BRF1: variants seen among roughly 807,000 people sequenced by gnomAD.
BRF1 encodes the protein transcription factor IIIB 90 kDa subunit.
Under a neutral mutation model 81.7 loss-of-function variants are expected in BRF1, and 59 were observed. The observed-to-expected ratio is 0.72, with a 90% CI of 0.59 to 0.90. The LOEUF is 0.90. Among genes scored for constraint, BRF1 ranks in the 40% least tolerant of loss-of-function variants. The probability of loss-of-function intolerance (pLI) is 0.00; values close to 1 mark genes in which losing one functional copy is unlikely to be tolerated. For missense variants in BRF1, 1,050 were observed against 936.3 expected (o/e 1.12, Z -1.58); for synonymous variants, 491 against 395.6 (o/e 1.24, Z -2.86).
chr14:105,283,639 CTT>C (rs750987811), intron 2 of BRF1, among the ~76,000 whole-genome samples: 85 of 152,352 alleles, frequency 5.6e-4, no homozygotes, highest in Middle Eastern at 3.4e-3. Flanking sequence ...AGCCATTTCT[CTT>C]TCTCTGTTGT....
chr14:105,243,543 G>A (rs1387049326), intron 5 of BRF1, among the ~76,000 whole-genome samples: 10 of 151,684 alleles, frequency 6.6e-5, no homozygotes, highest in Non-Finnish European at 1.5e-4. Context: ...ACTTGAGCCC[G>A]GGAGGTTGAG....
At chr14:105,255,561 G>A (rs1414588676) in intron 4 of BRF1, among the ~76,000 whole-genome samples, 2 of 152,176 alleles carry the variant, frequency 1.3e-5, no homozygotes, top group Admixed American at 6.5e-5. Context: ...CATGAATTCT[G>A]CACTGTGGTC....
intron 5 of BRF1, among the ~76,000 whole-genome samples, chr14:105,245,168 G>A (rs968280204): frequency 2.6e-5 from 4 of 152,016 alleles, no homozygotes; most frequent in Non-Finnish European, 5.9e-5. Flanking sequence ...AAACCAGCCC[G>A]GGCAACACAG....
rs752960770 is a variant in BRF1 at position 105,241,418 on chromosome 14, C to G, written c.545-4G>C. 1.2e-5 allele frequency: 20 copies of G among 1,610,858 alleles called. No homozygotes were observed. The highest frequency in any genetic ancestry group is 1.6e-5 in the Non-Finnish European group (19 of 1,179,848). On this transcript the variant is annotated splice_region_variant and splice_polypyrimidine_tract_variant and intron_variant, in intron 5 of 17. Transcript: ENST00000547530. ...CGTGGAATATACAGGCACGGGTCTG[C>G]GGCAGACACAGCACCTCAGTGCCCA...
chr14:105,267,302 T>C (rs935509510), intron 3 of BRF1, among the ~76,000 whole-genome samples: 1 of 151,536 alleles, frequency 6.6e-6, no homozygotes, highest in African/African-American at 2.4e-5. Flanking sequence ...AAGTCTGAAA[T>C]GGCAACTTTT....
At chr14:105,219,282 G>T (rs1476969927) in intron 12 of BRF1, 50 bp from the exon 13 acceptor site, 1 of 1,601,272 alleles carries the variant, frequency 6.2e-7, no homozygotes. Flanking sequence ...CGCACACCGG[G>T]GCATGCTAAG....
chr14:105,213,799 G>A (rs1333603550), intron 15 of BRF1, among the ~76,000 whole-genome samples: 1 of 152,206 alleles, frequency 6.6e-6, no homozygotes, highest in Non-Finnish European at 1.5e-5. Flanking sequence ...AACCCGGCTG[G>A]AGAGAGGGTG....
intron 5 of BRF1, chr14:105,250,504 C>G (rs756335964): frequency 3.1e-6 from 5 of 1,613,976 alleles, no homozygotes; most frequent in Non-Finnish European, 3.4e-6. Context: ...ACACCTTCTA[C>G]ACGGCCAGTG....
chr14:105,252,710 C>G, intron 4 of BRF1, 131 bp from the exon 5 acceptor site: 1 of 973,808 alleles, frequency 1.0e-6, no homozygotes, highest in Non-Finnish European at 1.5e-6. Flanking sequence ...ACCCCACACC[C>G]GCAAGCCTGG....
rs1157890052 is a variant in BRF1 at position 105,284,303 on chromosome 14, G to A, written c.265+1993C>T. On this transcript the variant is annotated intron_variant, in intron 2 of 17. Coordinates refer to ENST00000547530, the MANE Select transcript of BRF1 (RefSeq NM_001519.4). The surrounding 1 kb of genome is among the most constrained non-coding windows in gnomAD (Gnocchi z 4.0). ...GCTGACTATACTCCTCTACTAGTAA[G>A]TCCACAGCAGGACAAGGAAAAAAGC... is the stretch of plus-strand genomic sequence containing the variant. Among the ~76,000 whole-genome samples the A allele has an allele frequency of 6.6e-6, 1 of 152,108 alleles. No homozygotes were observed. The highest frequency in any genetic ancestry group is 1.5e-5 in the Non-Finnish European group (1 of 68,024).
chr14:105,211,891 G>A (rs998713288), intron 16 of BRF1: 3 of 625,412 alleles, frequency 4.8e-6, no homozygotes, highest in Non-Finnish European at 8.4e-6. Context: ...TGAGCAGCAG[G>A]CACACAACGG....
At chr14:105,211,681 T>G in intron 16 of BRF1, 1 of 339,790 alleles carries the variant, frequency 2.9e-6, no homozygotes, top group Non-Finnish European at 5.5e-6. Context: ...CTCCGGCCCC[T>G]GCCCCAGCCC....
intron 12 of BRF1, chr14:105,219,625 G>T (rs1398629798): frequency 2.4e-6 from 1 of 411,624 alleles, no homozygotes; most frequent in Non-Finnish European, 4.4e-6. Context: ...TGAAATCAGG[G>T]AAGACGACTT....
chr14:105,249,257 G>C, intron 5 of BRF1: 1 of 1,567,388 alleles, frequency 6.4e-7, no homozygotes, highest in Non-Finnish European at 8.6e-7. Flanking sequence ...GGTGGGTAGC[G>C]GCGGCCCCTC....
In BRF1 at chr14:105,217,787, C is replaced by G; in HGVS notation, c.1529G>C (p.Cys510Ser). The G allele has an allele frequency of 6.2e-7, 1 of 1,612,006 alleles. No homozygotes were observed. Among genetic ancestry groups the G allele is most frequent in the Non-Finnish European group, 8.5e-7 (1 of 1,179,222 alleles). ...IYKEHKPKKS[C>S]KRREPIQAST... ...GGCCTGAATTGGCTCCCGTCGCTTG[C>G]AAGACTTCTTGGGCTTGAGGGAAAC... The change falls in exon 15 of 18, where the codon TGC becomes TCC. Residue 510 changes from cysteine (C) to serine (S), a missense_variant. Cys to Ser is a moderately radical substitution (Grantham distance 112). Coordinates refer to ENST00000547530, the MANE Select transcript of BRF1 (RefSeq NM_001519.4).
chr14:105,266,787 G>A (rs1474489883), intron 3 of BRF1, among the ~76,000 whole-genome samples: 16 of 152,064 alleles, frequency 1.1e-4, no homozygotes. Context: ...TTCACACCTA[G>A]AATCCCAGCA....
At position 105,256,529 on chromosome 14, in the gene BRF1, C is replaced by G; in HGVS notation, c.460G>C (p.Asp154His). 1 of 1,614,088 alleles carries G rather than the reference C, an allele frequency of 6.2e-7. No individual in the cohort carries two copies. The highest frequency in any genetic ancestry group is 8.5e-7 in the Non-Finnish European group (1 of 1,180,038). ...GTPHMLLDLS[D>H]LLQVNVYVLG... ...CGGAGGCTGTCTACCTGGAGCAGGT[C>G]GCTGAGGTCCAGGAGCATGTCTGCA... Residue 154 changes from aspartate (D) to histidine (H), a missense_variant, in exon 4 of 18, where the codon GAC becomes CAC. Around this residue, in one of 2 missense-constraint regions of BRF1, gnomAD observed 1,043 missense variants for 915.4 expected, o/e 1.14. Transcript: ENST00000547530.
rs1186639014 is a variant in BRF1, at chr14:105,241,378, A to T, written c.581T>A (p.Leu194Gln). 1.9e-6 allele frequency: 3 copies of T among 1,612,762 alleles called. No homozygotes were observed. The highest frequency in any genetic ancestry group is 1.1e-5 in the South Asian group (1 of 91,088). The change falls in exon 6 of 18, where the codon CTG (leucine) becomes CAG (glutamine). Residue 194 changes from leucine to glutamine, a missense_variant. This residue lies in a region of BRF1 where 1,043 missense variants were observed against 915.4 expected (regional missense o/e 1.14). Coordinates refer to ENST00000547530, the MANE Select transcript of BRF1 (RefSeq NM_001519.4). ...CLYIPRFAHL[L>Q]EFGEKNHEVS... ...CTCGTGGTTCTTCTCCCCGAATTCC[A>T]GCAGGTGCGCAAAGCGTGGAATATA... is the stretch of plus-strand genomic sequence containing the variant.
intron 15 of BRF1, among the ~76,000 whole-genome samples, chr14:105,213,975 G>A (rs1418251657): frequency 6.6e-6 from 1 of 152,228 alleles, no homozygotes; most frequent in African/African-American, 2.4e-5. Context: ...GCTCCCACCT[G>A]GCATCACCTC....
Sources: gnomAD v4.1 joint callset for allele counts (sites outside exome capture counted in the v4.1 genomes callset) on GRCh38, gnomAD v4.1.1 for gene constraint, gnomAD v4.1.1 regional missense constraint, Gnocchi (gnomAD v3.1) non-coding constraint, MANE v1.5 for transcripts, NCBI Gene and HGNC (gene_info 2026-07-23, HGNC 2026-07-21) for gene names.